Variants in SLC35F4 observed in about 807,000 individuals in gnomAD.
The protein encoded by SLC35F4 is chromosome 14 open reading frame 36.
In SLC35F4, 24 loss-of-function variants were observed where a neutral mutation model predicts 44.2. The ratio of observed to expected loss-of-function variants is 0.54; its 90% CI spans 0.39 to 0.76. The LOEUF is 0.76. Ranked by LOEUF, SLC35F4 falls within the 30% of genes least tolerant of loss-of-function variation. SLC35F4 has a pLI of 0.00. For synonymous variants in SLC35F4, 238 were observed against 223.6 expected (o/e 1.06, Z -0.57); for missense variants, 562 against 586.1 (o/e 0.96, Z 0.42).
At chr14:57,777,200 A>G (rs1397192060) in intron 1 of SLC35F4, among the ~76,000 whole-genome samples, 1 of 152,254 alleles carries the variant, frequency 6.6e-6, no homozygotes, top group Non-Finnish European at 1.5e-5. Flanking sequence ...TAGTTCAACC[A>G]TTGTGGAAGA....
intron 1 of SLC35F4, among the ~76,000 whole-genome samples, chr14:57,818,207 C>T (rs1292299804): frequency 2.0e-5 from 3 of 152,138 alleles, no homozygotes; most frequent in African/African-American, 7.2e-5. Context: ...GCTCTCTCTC[C>T]AATAACTAAA....
chr14:57,626,128 C>T (rs2072464061), intron 1 of SLC35F4, among the ~76,000 whole-genome samples: 1 of 146,048 alleles, frequency 6.8e-6, no homozygotes, highest in African/African-American at 2.5e-5. Flanking sequence ...ACAATGAGAA[C>T]ACATGGACAC....
chr14:57,644,690 A>T (rs1478959691), intron 1 of SLC35F4, among the ~76,000 whole-genome samples: 1 of 152,180 alleles, frequency 6.6e-6, no homozygotes, highest in African/African-American at 2.4e-5. Context: ...GTCCTTGCCC[A>T]TGCCTATGTC....
At chr14:57,847,517 A>T (rs540363961) in intron 1 of SLC35F4, among the ~76,000 whole-genome samples, 6 of 152,316 alleles carry the variant, frequency 3.9e-5, no homozygotes, top group African/African-American at 1.4e-4. Context: ...TTAAGTTATA[A>T]TTCAGTGTTT....
Position 57,840,282 on chromosome 14 carries a change from G to C in SLC35F4, c.103+25441C>G, listed in dbSNP as rs58851440. On this transcript the variant is annotated intron_variant, in intron 1 of 7. Coordinates refer to ENST00000556826, the MANE Select transcript of SLC35F4 (RefSeq NM_001306087.2). Reference sequence around the variant, plus strand: ...CCATTAATTCTCTGAATATTTGAGTGCCACCTAATGCCAGGCATTGTGCCC... The same window carrying C: ...CCATTAATTCTCTGAATATTTGAGTCCCACCTAATGCCAGGCATTGTGCCC... 1.1e-3 allele frequency among the ~76,000 whole-genome samples: 165 copies of C among 152,278 alleles called. 1 individual carries two copies. The highest frequency in any genetic ancestry group is 3.8e-3 in the African/African-American group (157 of 41,566).
chr14:57,653,410 G>T (rs1018053267), intron 1 of SLC35F4, among the ~76,000 whole-genome samples: 7 of 152,172 alleles, frequency 4.6e-5, no homozygotes, highest in African/African-American at 1.7e-4. Flanking sequence ...CAAGTGCCTG[G>T]GGAGTAATGG....
chr14:57,788,734 A>G (rs2077832404), intron 1 of SLC35F4, among the ~76,000 whole-genome samples: 1 of 152,198 alleles, frequency 6.6e-6, no homozygotes, highest in Non-Finnish European at 1.5e-5. Context: ...ACCACATAGC[A>G]TTTATTCTAA....
chr14:57,722,828 A>G (rs1249277955), intron 1 of SLC35F4, among the ~76,000 whole-genome samples: 1 of 152,218 alleles, frequency 6.6e-6, no homozygotes, highest in East Asian at 1.9e-4. Flanking sequence ...TTTGAATTAT[A>G]CAAACAGAGA....
intron 1 of SLC35F4, among the ~76,000 whole-genome samples, chr14:57,708,814 G>T (rs1175234672): frequency 6.6e-6 from 1 of 152,168 alleles, no homozygotes; most frequent in Non-Finnish European, 1.5e-5. Flanking sequence ...GTAGGGTAAA[G>T]AGTGTGAGCC....
At chr14:57,844,400 C>T (rs1475141546) in intron 1 of SLC35F4, among the ~76,000 whole-genome samples, 1 of 152,212 alleles carries the variant, frequency 6.6e-6, no homozygotes, top group Non-Finnish European at 1.5e-5. Flanking sequence ...TGCTGGACTT[C>T]TGTTTCTGAA....
intron 2 of SLC35F4, among the ~76,000 whole-genome samples, chr14:57,590,357 C>T (rs2070093832): frequency 6.6e-6 from 1 of 151,998 alleles, no homozygotes; most frequent in Non-Finnish European, 1.5e-5. Flanking sequence ...TGTACCACTG[C>T]ACTCCAGTCT....
rs535217601 is a variant in SLC35F4 at position 57,622,961 on chromosome 14, A to G, written c.104-28837T>C. Among the ~76,000 whole-genome samples, 5 of 152,310 alleles carry G rather than the reference A, an allele frequency of 3.3e-5. No homozygotes were observed. The East Asian group carries it at 7.7e-4, about 23-fold the overall frequency. ...TGACAGGATCGACTTCACACATAAC[A>G]ATATTAACCTTAAATGTGAATGGAC... On this transcript the variant is annotated intron_variant, in intron 1 of 7. Transcript: ENST00000556826.
At chr14:57,836,227 T>C (rs927796548) in intron 1 of SLC35F4, among the ~76,000 whole-genome samples, 4 of 152,230 alleles carry the variant, frequency 2.6e-5, no homozygotes, top group Non-Finnish European at 5.9e-5. Context: ...AGTTTTTCTC[T>C]GAACTCACTT....
chr14:57,650,285 T>C (rs1331810540), intron 1 of SLC35F4, among the ~76,000 whole-genome samples: 2 of 152,116 alleles, frequency 1.3e-5, no homozygotes, highest in East Asian at 1.9e-4. Context: ...AGCTTTCTAC[T>C]TGGTACCCTT....
At chr14:57,876,346 C>G (rs1302271733) in intron 1 of SLC35F4, among the ~76,000 whole-genome samples, 3 of 152,170 alleles carry the variant, frequency 2.0e-5, no homozygotes. Context: ...CCTTCCATCT[C>G]TGCTATATTT....
intron 1 of SLC35F4, among the ~76,000 whole-genome samples, chr14:57,904,964 T>A (rs1285488670): frequency 2.0e-5 from 3 of 152,238 alleles, no homozygotes; most frequent in Non-Finnish European, 4.4e-5. Context: ...TTTATTCATC[T>A]CATGCTGCAG....
At chr14:57,741,149 T>G (rs1158088679) in intron 1 of SLC35F4, among the ~76,000 whole-genome samples, 6 of 152,148 alleles carry the variant, frequency 3.9e-5, no homozygotes. Flanking sequence ...GCAGAAAAGC[T>G]GAAAATTCTA....
intron 1 of SLC35F4, among the ~76,000 whole-genome samples, chr14:57,793,867 T>C (rs529350814): frequency 6.6e-6 from 1 of 152,070 alleles, no homozygotes. Context: ...AGCATTCACA[T>C]AGACCAATAG....
At chr14:57,643,881 C>G (rs565673839) in intron 1 of SLC35F4, among the ~76,000 whole-genome samples, 1 of 151,892 alleles carries the variant, frequency 6.6e-6, no homozygotes, top group South Asian at 2.1e-4. Context: ...GGTTTTTTGT[C>G]CATGCGATAG....
Sources: gnomAD v4.1 joint callset for allele counts (sites outside exome capture counted in the v4.1 genomes callset) on GRCh38, gnomAD v4.1.1 for gene constraint, MANE v1.5 for transcripts, NCBI Gene and HGNC (gene_info 2026-07-23, HGNC 2026-07-21) for gene names.